TTLL7: variants seen among roughly 807,000 people sequenced by gnomAD.
The protein encoded by TTLL7 is tubulin polyglutamylase TTLL7.
A neutral mutation model predicts 120.2 loss-of-function variants in TTLL7; 53 were observed. The ratio of observed to expected loss-of-function variants is 0.44; its 90% CI spans 0.35 to 0.55. The LOEUF is 0.55. TTLL7 is among the 20% of genes least tolerant of loss of function. The pLI is 0.00. For missense variants in TTLL7, 803 were observed against 1,054.7 expected, an observed-to-expected ratio of 0.76 and a Z score of 3.31; for synonymous variants, 353 against 351.7, an observed-to-expected ratio of 1.00 and a Z score of -0.04.
intron 10 of TTLL7, among the ~76,000 whole-genome samples, chr1:83,923,695 G>A (rs1658875204): frequency 6.6e-6 from 1 of 152,034 alleles, no homozygotes; most frequent in Admixed American, 6.6e-5. Flanking sequence ...AAAACTATTT[G>A]CATTTCTATG....
chr1:83,892,925 A>AG lies in TTLL7; in HGVS notation c.2209-2445_2209-2444insC, dbSNP rs1553129401. 6.5e-4 allele frequency among the ~76,000 whole-genome samples: 25 copies of AG among 38,664 alleles called. 1 individual carries two copies. In the South Asian group the frequency reaches 0.013, roughly 19 times the overall value. The allele number at this position is 38,664 out of a possible 152,430, so 25.4% of individuals were successfully genotyped here. A position where few individuals can be genotyped will look rare whatever the true frequency, so the allele number is the denominator to read the frequency against. ...AGAAGGAAAAAGAAAAAAGAAAGAA[A>AG]AAGAGAAAGAAAGAAAGAAAGAAAG... On this transcript the variant is annotated intron_variant, in intron 18 of 20. Coordinates refer to ENST00000260505, the MANE Select transcript of TTLL7 (RefSeq NM_024686.6).
chr1:83,890,502 C>A (rs760351235), intron 18 of TTLL7, 21 bp from the exon 19 acceptor site: 1 of 1,596,368 alleles, frequency 6.3e-7, no homozygotes, highest in Non-Finnish European at 8.5e-7. Flanking sequence ...AACCAAAGTA[C>A]TTACAATCTA....
In TTLL7 at chr1:83,866,917, T is replaced by G. The variant is rs913594477; in HGVS notation, c.*3045A>C. ...GATGATTTAAAATAAAAAAGGTTGTTTCTTAGACATTTCTAGAAATTATTC... is the reference window on the plus strand; with the variant it reads ...GATGATTTAAAATAAAAAAGGTTGTGTCTTAGACATTTCTAGAAATTATTC... On this transcript the variant is annotated 3_prime_UTR_variant, in exon 21 of 21. Transcript: ENST00000260505. 1 of 151,942 alleles carries G rather than the reference T, an allele frequency of 6.6e-6. No homozygotes were observed. The highest frequency in any genetic ancestry group is 6.6e-5 in the Admixed American group (1 of 15,260). The allele number at this position is 151,942 out of a possible 1,614,324, so 9.4% of individuals were successfully genotyped here.
chr1:83,938,249 T>C (rs1647604263), intron 7 of TTLL7, among the ~76,000 whole-genome samples: 2 of 152,182 alleles, frequency 1.3e-5, no homozygotes, highest in Non-Finnish European at 1.5e-5. Context: ...ATTCGAAATA[T>C]ATCTACCATT....
chr1:83,943,992 G>A (rs937079428), intron 6 of TTLL7, among the ~76,000 whole-genome samples: 2 of 152,102 alleles, frequency 1.3e-5, no homozygotes, highest in African/African-American at 4.8e-5. Context: ...TTTTGGAGTT[G>A]AGAAGTATAA....
chr1:83,993,893 T>A (rs1222252895), intron 1 of TTLL7, among the ~76,000 whole-genome samples: 1 of 152,168 alleles, frequency 6.6e-6, no homozygotes, highest in African/African-American at 2.4e-5. Context: ...ATAACAGAAA[T>A]AAAGATTAGT....
Position 83,917,694 on chromosome 1 carries a change from C to CA in TTLL7, c.1501-5dup. 4 of 1,597,504 alleles carry CA rather than the reference C, an allele frequency of 2.5e-6. 1 individual carries two copies. In the Admixed American group the frequency reaches 6.7e-5, roughly 27 times the overall value. On this transcript the variant is annotated splice_polypyrimidine_tract_variant and splice_region_variant and intron_variant, in intron 13 of 20. Transcript: ENST00000260505. The stretch of plus-strand genomic sequence containing the variant: ...GAAGATCCAAAATATCTTCTTCCTT[C>CA]AAAAAATATTCTAATTAAAATTACA...
At chr1:83,962,505 T>C (rs1650097453) in intron 1 of TTLL7, among the ~76,000 whole-genome samples, 1 of 152,166 alleles carries the variant, frequency 6.6e-6, no homozygotes, top group Non-Finnish European at 1.5e-5. Context: ...ATGGCATCCA[T>C]ATTACTTAAA....
intron 18 of TTLL7, among the ~76,000 whole-genome samples, chr1:83,901,021 C>A (rs1656675854): frequency 6.6e-6 from 1 of 151,906 alleles, no homozygotes; most frequent in African/African-American, 2.4e-5. Context: ...TTTCTATATG[C>A]TTTGCCATTT....
In TTLL7 at chr1:83,868,284, C is replaced by T. The variant is rs1442194020; in HGVS notation, c.*1678G>A. The T allele has an allele frequency of 6.6e-6, 1 of 152,014 alleles. No homozygotes were observed. The highest frequency in any genetic ancestry group is 1.5e-5 in the Non-Finnish European group (1 of 67,986). The allele number at this position is 152,014 out of a possible 1,614,324, so 9.4% of individuals were successfully genotyped here. The stretch of plus-strand genomic sequence containing the variant: ...CATGAATTTCGAAAATAATTAGCAG[C>T]TAAAAGAAAATAAAACTGTTGGGAG... On this transcript the variant is annotated 3_prime_UTR_variant, in exon 21 of 21. Coordinates refer to ENST00000260505, the MANE Select transcript of TTLL7 (RefSeq NM_024686.6).
At chr1:83,933,938 T>G (rs555171938) in intron 8 of TTLL7, among the ~76,000 whole-genome samples, 172 bp from the exon 9 acceptor site, 37 of 152,302 alleles carry the variant, frequency 2.4e-4, no homozygotes, top group Middle Eastern at 6.8e-3. Flanking sequence ...CCCACTGCAC[T>G]CCTCACACTT....
chr1:83,946,068 T>A (rs557895432), intron 6 of TTLL7: 1 of 152,312 alleles, frequency 6.6e-6, no homozygotes, highest in Middle Eastern at 3.4e-3. Flanking sequence ...ATGTATTTTT[T>A]TTTGACAGAG....
chr1:83,956,448 A>G (rs574994824), intron 1 of TTLL7, among the ~76,000 whole-genome samples: 30 of 136,142 alleles, frequency 2.2e-4, no homozygotes, highest in African/African-American at 7.5e-4. Context: ...TTTTTTTGAC[A>G]CGAAGTTTTG....
chr1:83,890,051 AAGAACTTCAAGGAT>A (rs71826512), intron 19 of TTLL7: 259,691 of 548,430 alleles, frequency 0.47, 63,785 homozygotes, highest in Non-Finnish European at 0.54. Flanking sequence ...GCGACTGCAG[AAGAACTTCAAGGAT>A]ATTGGTTTGT....
In TTLL7 at chr1:83,933,691, G is replaced by A. The variant is rs770937334; in HGVS notation, c.964C>T (p.Pro322Ser). The A allele has an allele frequency of 1.9e-6, 3 of 1,613,720 alleles. No homozygotes were observed. Among genetic ancestry groups the A allele is most frequent in the Admixed American group, 1.7e-5 (1 of 59,994 alleles). Residue 322 changes from proline to serine, a missense_variant, in exon 9 of 21, where the codon CCT becomes TCT. This residue lies in a region of TTLL7 where 324 missense variants were observed against 507.7 expected (regional missense o/e 0.64). Coordinates refer to ENST00000260505, the MANE Select transcript of TTLL7 (RefSeq NM_024686.6). ...AAGCAGACACTTTCGCTTCCTGGAG[G>A]TTGACCAGGTCTACACATTCGATAG... is the stretch of plus-strand genomic sequence containing the variant. ...HAYRMCRPGQ[P>S]PGSESVCFEV...
At chr1:83,981,897 A>T (rs1373054462) in intron 1 of TTLL7, among the ~76,000 whole-genome samples, 1 of 152,116 alleles carries the variant, frequency 6.6e-6, no homozygotes, top group Admixed American at 6.6e-5. Context: ...CAATTAATAG[A>T]TTACTAAATT....
chr1:83,878,332 T>A (rs980663059), intron 20 of TTLL7, among the ~76,000 whole-genome samples: 11 of 151,864 alleles, frequency 7.2e-5, no homozygotes, highest in Non-Finnish European at 7.4e-5. Context: ...TGTTAAAAAA[T>A]TTATATCTTT....
At chr1:83,874,832 T>G (rs1018151270) in intron 20 of TTLL7, among the ~76,000 whole-genome samples, 1 of 151,926 alleles carries the variant, frequency 6.6e-6, no homozygotes, top group African/African-American at 2.4e-5. Context: ...CTGCCATGCA[T>G]AGCTCACAGA....
At chr1:83,898,584 T>G (rs1656444077) in intron 18 of TTLL7, among the ~76,000 whole-genome samples, 1 of 151,928 alleles carries the variant, frequency 6.6e-6, no homozygotes, top group Non-Finnish European at 1.5e-5. Context: ...ATAAAGCATT[T>G]TTTCAACGCA....
Sources: allele counts gnomAD v4.1 joint callset (sites outside exome capture counted in the v4.1 genomes callset), GRCh38; gene constraint gnomAD v4.1.1; regional missense constraint gnomAD v4.1.1; transcripts MANE v1.5; gene names NCBI Gene and HGNC (gene_info 2026-07-23, HGNC 2026-07-21).